The following PDSS2 variants were observed in gnomAD, a reference collection of about 807,000 sequenced individuals.
The protein encoded by PDSS2 is all trans-polyprenyl-diphosphate synthase PDSS2.
In PDSS2, 31 loss-of-function variants were observed where a neutral mutation model predicts 44.5. The ratio of observed to expected loss-of-function variants is 0.70; its 90% CI spans 0.52 to 0.94. The LOEUF (loss-of-function observed/expected upper bound fraction) is 0.94, where lower values mean the gene tolerates loss of function less well. Among genes scored for constraint, PDSS2 ranks in the 40% least tolerant of loss-of-function variants. The pLI is 0.00. For synonymous variants in PDSS2, 157 were observed against 180.3 expected (o/e 0.87, Z 1.03); for missense variants, 452 against 482.2 (o/e 0.94, Z 0.59).
chr6:107,406,714 A>G (rs1259035043), intron 1 of PDSS2, among the ~76,000 whole-genome samples: 1 of 152,240 alleles, frequency 6.6e-6, no homozygotes, highest in Non-Finnish European at 1.5e-5. Context: ...TAAGCCCTTC[A>G]GCTATCTAGC....
intron 1 of PDSS2, among the ~76,000 whole-genome samples, chr6:107,374,159 C>T (rs1779209943): frequency 6.8e-6 from 1 of 147,076 alleles, no homozygotes; most frequent in Non-Finnish European, 1.5e-5. Context: ...GAGGCTGAGG[C>T]AGGAGAATCA....
intron 1 of PDSS2, among the ~76,000 whole-genome samples, chr6:107,363,557 TGA>T (rs1778851987): frequency 1.3e-5 from 2 of 152,124 alleles, no homozygotes; most frequent in Non-Finnish European, 1.5e-5. Flanking sequence ...ATCTTCGCAG[TGA>T]GTGTTACAGC....
chr6:107,363,554 CAGTG>C (rs1014141678), intron 1 of PDSS2, among the ~76,000 whole-genome samples: 1 of 152,172 alleles, frequency 6.6e-6, no homozygotes, highest in Non-Finnish European at 1.5e-5. Flanking sequence ...CACATCTTCG[CAGTG>C]AGTGTTACAG....
chr6:107,207,807 G>A (rs1267169466), intron 6 of PDSS2, among the ~76,000 whole-genome samples: 9 of 150,662 alleles, frequency 6.0e-5, no homozygotes, highest in Non-Finnish European at 1.2e-4. Flanking sequence ...ATGGGGTTTC[G>A]CCATGTTGGC....
At chr6:107,313,709 C>T (rs1043631631) in intron 2 of PDSS2, among the ~76,000 whole-genome samples, 10 of 152,136 alleles carry the variant, frequency 6.6e-5, no homozygotes, top group African/African-American at 2.4e-4. Context: ...ATTTACATTT[C>T]TTCCAGCCTA....
intron 1 of PDSS2, among the ~76,000 whole-genome samples, chr6:107,342,228 C>G (rs1323347279): frequency 6.6e-6 from 1 of 151,884 alleles, no homozygotes; most frequent in African/African-American, 2.4e-5. Context: ...TGAATAGCTT[C>G]AAGGAGTAGG....
chr6:107,393,078 CTTTACATTAGG>C (rs1305500062), intron 1 of PDSS2, among the ~76,000 whole-genome samples: 1 of 151,880 alleles, frequency 6.6e-6, no homozygotes, highest in Non-Finnish European at 1.5e-5. Flanking sequence ...TACTGCCTTC[CTTTACATTAGG>C]TTTAATTTGC....
At chr6:107,169,658 T>C (rs1771491505) in intron 7 of PDSS2, among the ~76,000 whole-genome samples, 1 of 152,168 alleles carries the variant, frequency 6.6e-6, no homozygotes, top group Admixed American at 6.6e-5. Context: ...GGGGTTTTGG[T>C]GTGGATGTCC....
At chr6:107,418,150 T>C (rs1780721866) in intron 1 of PDSS2, among the ~76,000 whole-genome samples, 1 of 152,154 alleles carries the variant, frequency 6.6e-6, no homozygotes, top group South Asian at 2.1e-4. Context: ...CTTGTTACTT[T>C]ATGTGATAAG....
rs539784794 is a variant in PDSS2 at position 107,240,435 on chromosome 6, T to G, written c.702+5113A>C. Among the ~76,000 whole-genome samples, 396 of 142,198 alleles carry G rather than the reference T, an allele frequency of 2.8e-3. 3 individuals carry two copies. The highest frequency in any genetic ancestry group is 9.3e-3 in the African/African-American group (353 of 38,126). 93.3% of individuals were successfully genotyped at this position (142,198 alleles called of 152,430 possible). On this transcript the variant is annotated intron_variant, in intron 4 of 7. Transcript: ENST00000369037. ...TTTTTTTTTGAAACTGCAGTCTCAC[T>G]CTGTCCAGGCTGGAGTGCAGTGGCT...
intron 1 of PDSS2, among the ~76,000 whole-genome samples, chr6:107,367,968 T>C (rs553914447): frequency 1.3e-5 from 2 of 152,040 alleles, no homozygotes; most frequent in Admixed American, 1.3e-4. Flanking sequence ...GATTGATATA[T>C]TAAAAAACTA....
At chr6:107,431,506 C>G (rs911775924) in intron 1 of PDSS2, among the ~76,000 whole-genome samples, 1 of 152,216 alleles carries the variant, frequency 6.6e-6, no homozygotes, top group Non-Finnish European at 1.5e-5. Flanking sequence ...GCTTTGGACC[C>G]TCAAAGTGCT....
At chr6:107,347,214 T>C (rs1213112762) in intron 1 of PDSS2, among the ~76,000 whole-genome samples, 1 of 151,894 alleles carries the variant, frequency 6.6e-6, no homozygotes, top group Non-Finnish European at 1.5e-5. Flanking sequence ...GCTGATCCTT[T>C]AAAATAGTCA....
intron 6 of PDSS2, among the ~76,000 whole-genome samples, chr6:107,208,623 TTTG>T (rs1481846764): frequency 4.3e-5 from 6 of 139,386 alleles, no homozygotes; most frequent in Admixed American, 7.6e-5. Context: ...TTTTTTTTTT[TTTG>T]GGGACGGAGT....
At chr6:107,394,520 C>A (rs1000061333) in intron 1 of PDSS2, among the ~76,000 whole-genome samples, 2 of 152,116 alleles carry the variant, frequency 1.3e-5, no homozygotes, top group Non-Finnish European at 2.9e-5. Flanking sequence ...CCGAGATCAT[C>A]GTACTAAACC....
At chr6:107,453,866 A>G (rs1034047635) in intron 1 of PDSS2, among the ~76,000 whole-genome samples, 4 of 152,170 alleles carry the variant, frequency 2.6e-5, no homozygotes, top group Non-Finnish European at 5.9e-5. Context: ...TTACTCATGT[A>G]ATTTTTATCC....
intron 7 of PDSS2, among the ~76,000 whole-genome samples, chr6:107,177,002 C>G (rs1003043774): frequency 5.9e-5 from 9 of 151,460 alleles, no homozygotes; most frequent in African/African-American, 2.2e-4. Context: ...CCAAAAAAAC[C>G]TGCATTTCAG....
chr6:107,238,791 T>C (rs926251132), intron 4 of PDSS2, among the ~76,000 whole-genome samples: 11 of 152,216 alleles, frequency 7.2e-5, no homozygotes, highest in African/African-American at 2.7e-4. Flanking sequence ...TCTCCGATGC[T>C]AGCCAAGGAT....
At chr6:107,219,086 A>C (rs1773514214) in intron 4 of PDSS2, among the ~76,000 whole-genome samples, 1 of 151,958 alleles carries the variant, frequency 6.6e-6, no homozygotes, top group African/African-American at 2.4e-5. Flanking sequence ...ATTAAAAAAA[A>C]ATTCTCTTTT....
Sources: allele counts gnomAD v4.1 joint callset (sites outside exome capture counted in the v4.1 genomes callset), GRCh38; gene constraint gnomAD v4.1.1; transcripts MANE v1.5; gene names NCBI Gene and HGNC (gene_info 2026-07-23, HGNC 2026-07-21).